The following ATXN10 variants were observed in gnomAD, a reference collection of about 807,000 sequenced individuals.
ATXN10 encodes ataxin-10.
ATXN10 carries 28 observed loss-of-function variants against 52.9 expected under a neutral mutation model. That is an observed-to-expected ratio of 0.53 (90% CI 0.39 to 0.73). ATXN10 has a LOEUF of 0.73. ATXN10 is among the 30% of genes least tolerant of loss of function. The probability of loss-of-function intolerance (pLI) is 0.00; values close to 1 mark genes in which losing one functional copy is unlikely to be tolerated. For missense variants in ATXN10, 565 were observed against 577.0 expected (o/e 0.98, Z 0.21); for synonymous variants, 226 against 221.5 (o/e 1.02, Z -0.18).
chr22:45,701,893 C>T lies in ATXN10; in HGVS notation c.489-796C>T, dbSNP rs983120723. Among the ~76,000 whole-genome samples the T allele has an allele frequency of 1.3e-5, 2 of 152,048 alleles. No individual in the cohort carries two copies. The highest frequency in any genetic ancestry group is 4.8e-5 in the African/African-American group (2 of 41,392). ...TTGCTTTTAGATGATCTCATTTGAT[C>T]GTCATTAAAAACCCTGTGAAATAGA... On this transcript the variant is annotated intron_variant, in intron 4 of 11. Transcript: ENST00000252934. The surrounding 1 kb of genome is among the most constrained non-coding windows in gnomAD (Gnocchi z 4.2).
Position 45,770,718 on chromosome 22 carries a change from A to G in ATXN10, c.1173+30180A>G, listed in dbSNP as rs59617281. Among the ~76,000 whole-genome samples the G allele has an allele frequency of 9.0e-3, 1,377 of 152,366 alleles. 32 individuals are homozygous for G. Among genetic ancestry groups the G allele is most frequent in the African/African-American group, 0.032 (1,320 of 41,586 alleles). On this transcript the variant is annotated intron_variant, in intron 9 of 11. Coordinates refer to ENST00000252934, the MANE Select transcript of ATXN10 (RefSeq NM_013236.4). The surrounding 1 kb of genome is among the most constrained non-coding windows in gnomAD (Gnocchi z 4.5). Reference sequence around the variant, plus strand: ...AGCTCACTGCAGCTGGGCTCAGCCCAGGATCTGAAGAGGGCTTCTCAAAGA... The same window carrying G: ...AGCTCACTGCAGCTGGGCTCAGCCCGGGATCTGAAGAGGGCTTCTCAAAGA...
At position 45,835,012 on chromosome 22, in the gene ATXN10, C is replaced by T. The variant is rs370270825; in HGVS notation, c.1238-7979C>T. 6.6e-6 allele frequency among the ~76,000 whole-genome samples: 1 copy of T among 152,216 alleles called. No individual in the cohort carries two copies. The highest frequency in any genetic ancestry group is 2.4e-5 in the African/African-American group (1 of 41,470). Reference sequence around the variant, plus strand: ...TGGGGCTGCCAGACTGTGACTGCTTCGTACCACGCTTTGCTTTGAAGTGGT... The same window carrying T: ...TGGGGCTGCCAGACTGTGACTGCTTTGTACCACGCTTTGCTTTGAAGTGGT... On this transcript the variant is annotated intron_variant, in intron 10 of 11. Coordinates refer to ENST00000252934, the MANE Select transcript of ATXN10 (RefSeq NM_013236.4). This position sits in a 1 kb window ranked among gnomAD's most constrained non-coding sequence, Gnocchi z 5.0.
intron 10 of ATXN10, among the ~76,000 whole-genome samples, chr22:45,812,823 T>C (rs1455497792): frequency 6.6e-6 from 1 of 152,162 alleles, no homozygotes; most frequent in Non-Finnish European, 1.5e-5. Flanking sequence ...CCATGGGACA[T>C]CTGCAGTCAG....
At position 45,740,577 on chromosome 22, in the gene ATXN10, T is replaced by G; in HGVS notation, c.1173+39T>G. ...TTAGTATGTATTATACATGTATGGC[T>G]TCATTTAGAATATAGTCCTTGGAAG... On this transcript the variant is annotated intron_variant, in intron 9 of 11. Coordinates refer to ENST00000252934, the MANE Select transcript of ATXN10 (RefSeq NM_013236.4). The G allele has an allele frequency of 1.9e-6, 3 of 1,593,352 alleles. No homozygotes were observed. In the East Asian group the frequency reaches 6.7e-5, roughly 36 times the overall value.
chr22:45,707,781 A>G (rs1924099480), intron 5 of ATXN10, among the ~76,000 whole-genome samples: 1 of 152,084 alleles, frequency 6.6e-6, no homozygotes, highest in Admixed American at 6.6e-5. Context: ...GGTGCGGAAT[A>G]CTTTGATTTA....
chr22:45,716,168 G>C (rs1179531994), intron 5 of ATXN10, among the ~76,000 whole-genome samples: 1 of 152,068 alleles, frequency 6.6e-6, no homozygotes, highest in East Asian at 1.9e-4. Flanking sequence ...GAGAGACTGA[G>C]GTGGGAAAAT....
intron 1 of ATXN10, among the ~76,000 whole-genome samples, chr22:45,680,859 C>T (rs774870731): frequency 5.9e-5 from 9 of 152,146 alleles, no homozygotes; most frequent in Non-Finnish European, 8.8e-5. Flanking sequence ...TCCTGAACTT[C>T]TGTAAACATC....
chr22:45,743,200 A>G (rs866953458), intron 9 of ATXN10, among the ~76,000 whole-genome samples: 1 of 152,224 alleles, frequency 6.6e-6, no homozygotes, highest in Admixed American at 6.5e-5. Context: ...TTTAGAGGGT[A>G]TGAAGGAGTT....
In ATXN10 at chr22:45,728,766, CT is replaced by C. The variant is rs1924972538; in HGVS notation, c.729-657del. Among the ~76,000 whole-genome samples, 1 of 152,110 alleles carries C rather than the reference CT, an allele frequency of 6.6e-6. No homozygotes were observed. Among genetic ancestry groups the C allele is most frequent in the Non-Finnish European group, 1.5e-5 (1 of 68,024 alleles). ...TTGAAAAGAAATATTTATTTGGTAA[CT>C]TATATATTGATGTAAAAATGGCACA... On this transcript the variant is annotated intron_variant, in intron 6 of 11. Coordinates refer to ENST00000252934, the MANE Select transcript of ATXN10 (RefSeq NM_013236.4). This position sits in a 1 kb window ranked among gnomAD's most constrained non-coding sequence, Gnocchi z 4.3.
intron 10 of ATXN10, among the ~76,000 whole-genome samples, chr22:45,836,776 C>T (rs762175864): frequency 3.9e-5 from 6 of 152,246 alleles, no homozygotes; most frequent in Non-Finnish European, 8.8e-5. Flanking sequence ...TGAACTACTA[C>T]TTTGCACTCT....
chr22:45,729,301 A>G, intron 6 of ATXN10, 124 bp from the exon 7 acceptor site: 1 of 941,856 alleles, frequency 1.1e-6, no homozygotes, highest in Non-Finnish European at 1.6e-6. Flanking sequence ...TCCTAGCTAG[A>G]CATTAGAAGC....
rs2146730372 is a variant in ATXN10, at chr22:45,683,884, T to G, written c.117-5828T>G. On this transcript the variant is annotated intron_variant, in intron 1 of 11. Coordinates refer to ENST00000252934, the MANE Select transcript of ATXN10 (RefSeq NM_013236.4). The surrounding 1 kb of genome is among the most constrained non-coding windows in gnomAD (Gnocchi z 4.8). ...ACACAGTTCTGCTCTTGGGCTGTCT[T>G]TTCCAGTGGTTGACTTTCTGCCTCT... Among the ~76,000 whole-genome samples the G allele has an allele frequency of 6.6e-6, 1 of 152,342 alleles. No homozygotes were observed. Among genetic ancestry groups the G allele is most frequent in the Admixed American group, 6.5e-5 (1 of 15,296 alleles).
chr22:45,760,112 C>G (rs1444784768), intron 9 of ATXN10, among the ~76,000 whole-genome samples: 1 of 152,180 alleles, frequency 6.6e-6, no homozygotes, highest in Non-Finnish European at 1.5e-5. Flanking sequence ...CCTTCGTTTG[C>G]TTAGACTTCC....
intron 1 of ATXN10, among the ~76,000 whole-genome samples, chr22:45,682,244 G>T: frequency 6.6e-6 from 1 of 151,980 alleles, no homozygotes; most frequent in South Asian, 2.1e-4. Context: ...TTTACTTTCA[G>T]AGTATTCTCA....
intron 9 of ATXN10, among the ~76,000 whole-genome samples, chr22:45,800,113 T>G (rs1382891440): frequency 6.6e-6 from 1 of 152,186 alleles, no homozygotes; most frequent in African/African-American, 2.4e-5. Context: ...TGAAAAAATG[T>G]TTTGGTAAAT....
chr22:45,745,063 T>C (rs1925675842), intron 9 of ATXN10, among the ~76,000 whole-genome samples: 2 of 152,218 alleles, frequency 1.3e-5, no homozygotes, highest in South Asian at 4.1e-4. Context: ...AGTGATTAGT[T>C]TACTTCTAAA....
chr22:45,795,077 A>G lies in ATXN10; in HGVS notation c.1174-11882A>G, dbSNP rs904454551. 6.6e-6 allele frequency among the ~76,000 whole-genome samples: 1 copy of G among 152,178 alleles called. No individual in the cohort carries two copies. The highest frequency in any genetic ancestry group is 1.5e-5 in the Non-Finnish European group (1 of 68,032). On this transcript the variant is annotated intron_variant, in intron 9 of 11. Coordinates refer to ENST00000252934, the MANE Select transcript of ATXN10 (RefSeq NM_013236.4). The surrounding 1 kb of genome is among the most constrained non-coding windows in gnomAD (Gnocchi z 4.6). ...ATTCTTATATTGTATGTGGGGTAGT[A>G]TGGTATTATTTGTAGATAGACTGCA... is the stretch of plus-strand genomic sequence containing the variant.
intron 9 of ATXN10, chr22:45,793,450 C>A: frequency 1.6e-6 from 1 of 631,964 alleles, no homozygotes; most frequent in Non-Finnish European, 2.2e-6. Context: ...GTAGCAGAGT[C>A]CACATCTTGA....
At position 45,775,461 on chromosome 22, in the gene ATXN10, G is replaced by A. The variant is rs1926919238; in HGVS notation, c.1174-31498G>A. Reference sequence around the variant, plus strand: ...GTTTATATTCATTCCATATTTAGTTGTCTTTATTCTGTTCAAACATTTTCT... The same window carrying A: ...GTTTATATTCATTCCATATTTAGTTATCTTTATTCTGTTCAAACATTTTCT... On this transcript the variant is annotated intron_variant, in intron 9 of 11. Transcript: ENST00000252934. The surrounding 1 kb of genome is among the most constrained non-coding windows in gnomAD (Gnocchi z 4.7). Among the ~76,000 whole-genome samples, 1 of 152,162 alleles carries A rather than the reference G, an allele frequency of 6.6e-6. No individual in the cohort carries two copies. The highest frequency in any genetic ancestry group is 2.4e-5 in the African/African-American group (1 of 41,434).
Sources: gnomAD v4.1 joint callset for allele counts (sites outside exome capture counted in the v4.1 genomes callset) on GRCh38, gnomAD v4.1.1 for gene constraint, Gnocchi (gnomAD v3.1) non-coding constraint, MANE v1.5 for transcripts, NCBI Gene and HGNC (gene_info 2026-07-23, HGNC 2026-07-21) for gene names.